Variants in ATP8A2 observed in about 807,000 individuals in gnomAD.
ATP8A2 encodes ATPase phospholipid transporting 8A2.
In ATP8A2, 100 loss-of-function variants were observed where a neutral mutation model predicts 165.6. The ratio of observed to expected loss-of-function variants is 0.60; its 90% confidence interval spans 0.51 to 0.71. ATP8A2 has a LOEUF of 0.71. Ranked by LOEUF, ATP8A2 falls within the 30% of genes least tolerant of loss-of-function variation. The pLI, the probability that ATP8A2 is intolerant of heterozygous loss-of-function variation, is 0.00. For synonymous variants in ATP8A2, 543 were observed against 548.8 expected (o/e 0.99, Z 0.15); for missense variants, 1,227 against 1,479.5 (o/e 0.83, Z 2.80).
intron 24 of ATP8A2, among the ~76,000 whole-genome samples, chr13:25,603,942 G>A (rs1314588227): frequency 6.6e-6 from 1 of 152,044 alleles, no homozygotes; most frequent in Non-Finnish European, 1.5e-5. Context: ...AAAATACTGA[G>A]TAATAGTCTG....
At chr13:26,019,686 G>C (rs1004452236) in intron 36 of ATP8A2, among the ~76,000 whole-genome samples, 1 of 152,150 alleles carries the variant, frequency 6.6e-6, no homozygotes, top group Non-Finnish European at 1.5e-5. Context: ...AGAACCATGG[G>C]ACCCCAGTTA....
intron 25 of ATP8A2, among the ~76,000 whole-genome samples, chr13:25,707,795 A>G (rs1044536998): frequency 3.9e-5 from 6 of 152,212 alleles, no homozygotes; most frequent in Admixed American, 2.6e-4. Flanking sequence ...AACCTGATTT[A>G]CATGGCACAA....
intron 33 of ATP8A2, among the ~76,000 whole-genome samples, chr13:25,920,596 C>T (rs1312517646): frequency 6.6e-6 from 1 of 152,208 alleles, no homozygotes; most frequent in Non-Finnish European, 1.5e-5. Context: ...GCCAAGTCTC[C>T]TTGCAGGCTA....
At chr13:25,510,134 C>T (rs1170651893) in intron 2 of ATP8A2, among the ~76,000 whole-genome samples, 3 of 151,880 alleles carry the variant, frequency 2.0e-5, no homozygotes, top group Non-Finnish European at 2.9e-5. Context: ...ATTTCTTTCT[C>T]TCTCTGACTC....
At chr13:25,461,277 G>T (rs2035496645) in intron 1 of ATP8A2, among the ~76,000 whole-genome samples, 1 of 152,212 alleles carries the variant, frequency 6.6e-6, no homozygotes, top group Non-Finnish European at 1.5e-5. Context: ...AAATGTGTCT[G>T]CCAAGGCTAA....
intron 1 of ATP8A2, among the ~76,000 whole-genome samples, chr13:25,411,903 A>G (rs2033976799): frequency 6.6e-6 from 1 of 152,208 alleles, no homozygotes; most frequent in South Asian, 2.1e-4. Context: ...ATTAATAAAA[A>G]GAACTTTAAA....
chr13:25,446,627 G>A (rs544878539), intron 1 of ATP8A2, among the ~76,000 whole-genome samples: 4 of 152,116 alleles, frequency 2.6e-5, no homozygotes, highest in African/African-American at 4.8e-5. Flanking sequence ...ATGAGACTGC[G>A]GTACTGAATC....
intron 24 of ATP8A2, among the ~76,000 whole-genome samples, chr13:25,593,183 A>G (rs1285906991): frequency 6.6e-6 from 1 of 152,122 alleles, no homozygotes; most frequent in Non-Finnish European, 1.5e-5. Flanking sequence ...GCTTTGGTGG[A>G]GCTCCCAGGT....
At position 25,469,043 on chromosome 13, in the gene ATP8A2, G is replaced by A; in HGVS notation, c.143G>A (p.Gly48Glu). The change falls in exon 2 of 37, where the codon GGA becomes GAA. Residue 48 changes from glycine to glutamate, a missense_variant. Physicochemically the swap from Gly to Glu is moderately conservative, Grantham distance 98 (BLOSUM62 -2). Transcript: ENST00000381655. ...GAGATGTCCCGGGCCACGTCTGTTG[G>A]AGACCAGCTGGAGGCACCCGCCCGC... is the stretch of plus-strand genomic sequence containing the variant. Reference protein sequence around the residue: ...EDEMSRATSVGDQLEAPARTI... With the variant: ...EDEMSRATSVEDQLEAPARTI... 1 of 1,614,080 alleles carries A rather than the reference G, an allele frequency of 6.2e-7. No individual in the cohort carries two copies. The highest frequency in any genetic ancestry group is 8.5e-7 in the Non-Finnish European group (1 of 1,179,914).
intron 2 of ATP8A2, among the ~76,000 whole-genome samples, chr13:25,513,877 A>G (rs974608441): frequency 2.0e-5 from 3 of 151,824 alleles, no homozygotes; most frequent in South Asian, 2.1e-4. Context: ...CAATCAGTCA[A>G]GGAGGTTGCA....
Position 25,530,021 on chromosome 13 carries a change from A to G in ATP8A2, c.244A>G (p.Thr82Ala), listed in dbSNP as rs367802091. The change falls in exon 3 of 37, where the codon ACA becomes GCA. Residue 82 changes from threonine (T) to alanine (A), a missense_variant. Physicochemically the swap from Thr to Ala is moderately conservative, Grantham distance 58. This residue lies in a region of ATP8A2 where 356 missense variants were observed against 394.9 expected (regional missense o/e 0.90). Coordinates refer to ENST00000381655, the MANE Select transcript of ATP8A2 (RefSeq NM_016529.6). ...QISTAKYSVLTFLPRFLYEQI... is the reference protein window; with the variant it reads ...QISTAKYSVLAFLPRFLYEQI... ...CAGTACGGCCAAGTACAGCGTGTTG[A>G]CATTTCTACCTCGATTCTTGTATGA... 7.4e-6 allele frequency: 12 copies of G among 1,611,968 alleles called. No individual in the cohort carries two copies. In the African/African-American group the frequency reaches 1.5e-4, roughly 20 times the overall value.
chr13:25,531,203 G>GATATATGTT (rs2038035004), intron 4 of ATP8A2, among the ~76,000 whole-genome samples: 4 of 123,154 alleles, frequency 3.2e-5, no homozygotes, highest in African/African-American at 9.9e-5. Context: ...TGTTATATAT[G>GATATATGTT]ATATATGTTA....
rs1222516430 is a variant in ATP8A2 at position 25,555,155 on chromosome 13, C to G, written c.1263+87C>G. On this transcript the variant is annotated intron_variant, in intron 13 of 36. Coordinates refer to ENST00000381655, the MANE Select transcript of ATP8A2 (RefSeq NM_016529.6). ...GCAGAAGAACCATGGAAAGATTTTG[C>G]AAAAATACTTCTCCATGAACATGGC... The G allele has an allele frequency of 9.7e-6, 9 of 925,018 alleles. No homozygotes were observed. The Admixed American group carries it at 1.5e-4, about 16-fold the overall frequency. 57.3% of individuals were successfully genotyped at this position (925,018 alleles called of 1,614,324 possible).
At chr13:25,667,913 G>A (rs1022718651) in intron 24 of ATP8A2, among the ~76,000 whole-genome samples, 1 of 152,060 alleles carries the variant, frequency 6.6e-6, no homozygotes, top group Non-Finnish European at 1.5e-5. Context: ...AATGGTGCCA[G>A]TGTAGCTTCA....
chr13:25,638,499 G>A (rs2041429219), intron 24 of ATP8A2, among the ~76,000 whole-genome samples: 1 of 152,182 alleles, frequency 6.6e-6, no homozygotes, highest in Non-Finnish European at 1.5e-5. Flanking sequence ...CTGGAAGAAA[G>A]GGTATCAGTG....
At chr13:25,647,067 A>G (rs2041693251) in intron 24 of ATP8A2, among the ~76,000 whole-genome samples, 1 of 152,172 alleles carries the variant, frequency 6.6e-6, no homozygotes, top group African/African-American at 2.4e-5. Flanking sequence ...TGTAATATGT[A>G]TTCCTTCGTA....
chr13:25,532,373 C>T (rs2038141923), intron 5 of ATP8A2, 56 bp downstream of exon 5: 1 of 1,265,296 alleles, frequency 7.9e-7, no homozygotes, highest in Non-Finnish European at 1.1e-6. Flanking sequence ...ATAAGGCCTG[C>T]ATTTAAGGAA....
chr13:25,428,033 A>C (rs1360930620), intron 1 of ATP8A2, among the ~76,000 whole-genome samples: 1 of 152,030 alleles, frequency 6.6e-6, no homozygotes, highest in Non-Finnish European at 1.5e-5. Flanking sequence ...AAATTACAAA[A>C]ATTAGCCAGG....
At chr13:25,733,689 A>G (rs938866889) in intron 25 of ATP8A2, among the ~76,000 whole-genome samples, 2 of 152,170 alleles carry the variant, frequency 1.3e-5, no homozygotes, top group African/African-American at 4.8e-5. Context: ...AGTTGAAAAC[A>G]TTGTATCACT....
Sources: allele counts gnomAD v4.1 joint callset (sites outside exome capture counted in the v4.1 genomes callset), GRCh38; gene constraint gnomAD v4.1.1; regional missense constraint gnomAD v4.1.1; transcripts MANE v1.5; gene names NCBI Gene and HGNC (gene_info 2026-07-23, HGNC 2026-07-21).